The following COL1A1 variants were observed in gnomAD, a reference collection of about 807,000 sequenced individuals.
COL1A1 encodes collagen type I alpha 1 chain.
Under a neutral mutation model 195.7 loss-of-function variants are expected in COL1A1, and 21 were observed. The observed-to-expected ratio is 0.11, with a 90% CI of 0.08 to 0.15. The LOEUF (loss-of-function observed/expected upper bound fraction) is 0.15. COL1A1 is among the 10% of genes least tolerant of loss of function. The pLI, the probability that COL1A1 is intolerant of heterozygous loss-of-function variation, is 1.00. For missense variants in COL1A1, 1,365 were observed against 2,051.0 expected (o/e 0.67, Z 6.46); for synonymous variants, 749 against 747.3 (o/e 1.00, Z -0.04).
At position 50,185,636 on chromosome 17, in the gene COL1A1, C is replaced by T. The variant is rs1374751937; in HGVS notation, c.4261G>A (p.Ala1421Thr). The T allele has an allele frequency of 6.2e-7, 1 of 1,613,788 alleles. No individual in the cohort carries two copies. Among genetic ancestry groups the T allele is most frequent in the South Asian group, 1.1e-5 (1 of 91,048 alleles). ...TATTCAATCACTGTCTTGCCCCAGGCTCCGGTGTGACTCTGGGGTGGGGCG... is the reference window on the plus strand; with the variant it reads ...TATTCAATCACTGTCTTGCCCCAGGTTCCGGTGTGACTCTGGGGTGGGGCG... ...TVDGCTSHTG[A>T]WGKTVIEYKT... is the part of the protein sequence containing the mutation. Residue 1421 changes from alanine (A) to threonine (T), a missense_variant, in exon 51 of 51, where the codon GCC becomes ACC. Ala to Thr is a moderately conservative substitution (Grantham distance 58, BLOSUM62 0). This residue lies in a region of COL1A1 where 273 missense variants were observed against 338.6 expected (regional missense o/e 0.81). Transcript: ENST00000225964.
chr17:50,192,532 T>C lies in COL1A1; in HGVS notation c.1930-4A>G. ...GACCAGCAGGACCAGGGAGACCCTG[T>C]AGGTGGGAAATGGGGGAAGAAGGGA... On this transcript the variant is annotated splice_polypyrimidine_tract_variant and splice_region_variant and intron_variant, in intron 28 of 50. Transcript: ENST00000225964. The C allele has an allele frequency of 6.2e-7, 1 of 1,613,874 alleles. No individual in the cohort carries two copies. The highest frequency in any genetic ancestry group is 1.3e-5 in the African/African-American group (1 of 74,952).
rs941273260 is a variant in COL1A1 at position 50,199,269 on chromosome 17, G to T, written c.428C>A (p.Pro143His). The T allele has an allele frequency of 1.3e-6, 2 of 1,508,664 alleles. No individual in the cohort carries two copies. The highest frequency in any genetic ancestry group is 1.8e-6 in the Non-Finnish European group (2 of 1,122,584). 93.5% of individuals were successfully genotyped at this position (1,508,664 alleles called of 1,614,324 possible). Residue 143 changes from proline to histidine, a missense_variant, in exon 5 of 51, where the codon CCC becomes CAC. Transcript: ENST00000225964. Reference protein sequence around the residue: ...GIPGQPGLPGPPGPPGPPGPP... With the variant: ...GIPGQPGLPGHPGPPGPPGPP... ...TCCGGGAGGTCCGGGGGGTCCGGGG[G>T]GTCCGGGAAGTCCAGGCTGTCCAGG...
rs1906327842 is a variant in COL1A1, at chr17:50,184,765, C to A, written c.*737G>T. 3 of 232,652 alleles carry A rather than the reference C, an allele frequency of 1.3e-5. No individual in the cohort carries two copies. In the East Asian group the frequency reaches 1.8e-4, roughly 14 times the overall value. 14.4% of individuals were successfully genotyped at this position (232,652 alleles called of 1,614,324 possible). On this transcript the variant is annotated 3_prime_UTR_variant, in exon 51 of 51. Coordinates refer to ENST00000225964, the MANE Select transcript of COL1A1 (RefSeq NM_000088.4). ...AACAGAACAGTCTCTCCCGCCCAGC[C>A]CTGCGGCACAAGGGATTGACACGCG...
rs72656307 is a variant in COL1A1, at chr17:50,187,968, G to A, written c.3277C>T (p.Arg1093Cys). The A allele has an allele frequency of 2.9e-5, 46 of 1,613,920 alleles. No individual in the cohort carries two copies. Among genetic ancestry groups the A allele is most frequent in the African/African-American group, 4.0e-5 (3 of 74,928 alleles). ...ARGPAGPQGP[R>C]GDKGETGEQG... ...TCGCCTGTCTCACCCTTGTCACCACGGGGGCCTTGGGGTCCCTAGAAGAGA... is the reference window on the plus strand; with the variant it reads ...TCGCCTGTCTCACCCTTGTCACCACAGGGGCCTTGGGGTCCCTAGAAGAGA... Residue 1093 changes from arginine (R) to cysteine (C), a missense_variant, in exon 45 of 51, where the codon CGT becomes TGT. Arg to Cys is a radical substitution (Grantham distance 180). Transcript: ENST00000225964.
In COL1A1 at chr17:50,192,810, G is replaced by C. The variant is rs779570039; in HGVS notation, c.1862C>G (p.Pro621Arg). The change falls in exon 27 of 51, where the codon CCC (proline) becomes CGC (arginine). Residue 621 changes from proline to arginine, a missense_variant. Pro to Arg is a moderately radical substitution (Grantham distance 103). Around this residue, in one of 5 missense-constraint regions of COL1A1, gnomAD observed 671 missense variants for 1,099.9 expected, o/e 0.61. Coordinates refer to ENST00000225964, the MANE Select transcript of COL1A1 (RefSeq NM_000088.4). ...GKDGEAGAQG[P>R]PGPAGPAGER... The stretch of plus-strand genomic sequence containing the variant: ...AGGGACACTCACAGCAGGGCCAGGG[G>C]GTCCCTGAGCTCCAGCCTCTCCATC... The C allele has an allele frequency of 3.1e-6, 5 of 1,614,110 alleles. 1 individual carries two copies. The South Asian group carries it at 5.5e-5, about 18-fold the overall frequency.
In COL1A1 at chr17:50,196,070, T is replaced by C. The variant is rs1230615128; in HGVS notation, c.1002+85A>G. On this transcript the variant is annotated intron_variant, in intron 15 of 50. Transcript: ENST00000225964. ...GGAAGTCCTGGGGTTCAGACCAACA[T>C]AACCTGCTCCCATTGTCAGCCCCAA... 3 of 1,606,788 alleles carry C rather than the reference T, an allele frequency of 1.9e-6. No individual in the cohort carries two copies. The Admixed American group carries it at 5.0e-5, about 27-fold the overall frequency.
rs1352638557 is a variant in COL1A1, at chr17:50,199,274, G to A, written c.423C>T (p.Pro141=). Residue 141 remains proline, a synonymous_variant, in exon 5 of 51, where the codon CCC becomes CCT. Coordinates refer to ENST00000225964, the MANE Select transcript of COL1A1 (RefSeq NM_000088.4). The part of the protein sequence containing the change: ...RDGIPGQPGL[P]GPPGPPGPPG... ...GAGGTCCGGGGGGTCCGGGGGGTCC[G>A]GGAAGTCCAGGCTGTCCAGGGATGC... The A allele has an allele frequency of 4.0e-6, 6 of 1,514,714 alleles. No homozygotes were observed. Among genetic ancestry groups the A allele is most frequent in the Non-Finnish European group, 5.3e-6 (6 of 1,126,090 alleles). The allele number at this position is 1,514,714 out of a possible 1,614,324, so 93.8% of individuals were successfully genotyped here. A position where few individuals can be genotyped will look rare whatever the true frequency, so the allele number is the denominator to read the frequency against.
intron 11 of COL1A1, 145 bp downstream of exon 11, chr17:50,196,865 T>C: frequency 8.9e-7 from 1 of 1,120,006 alleles, no homozygotes. Flanking sequence ...AGGGAGGTGC[T>C]TTTGGATGTC....
chr17:50,195,877 C>T lies in COL1A1; in HGVS notation c.1056+46G>A. 2 of 1,551,838 alleles carry T rather than the reference C, an allele frequency of 1.3e-6. No individual in the cohort carries two copies. The highest frequency in any genetic ancestry group is 1.7e-4 in the Middle Eastern group (1 of 5,946). On this transcript the variant is annotated intron_variant, in intron 16 of 50. Transcript: ENST00000225964. The surrounding 1 kb of genome is among the most constrained non-coding windows in gnomAD (Gnocchi z 4.3). Reference sequence around the variant, plus strand: ...TTTGGGGAACAGGGAGACATGAACCCCTTGGCCCATGAGGGTCATGCTTAG... The same window carrying T: ...TTTGGGGAACAGGGAGACATGAACCTCTTGGCCCATGAGGGTCATGCTTAG...
chr17:50,184,644 C>A lies in COL1A1; in HGVS notation c.*858G>T, dbSNP rs1277209791. On this transcript the variant is annotated 3_prime_UTR_variant, in exon 51 of 51. Transcript: ENST00000225964. Reference sequence around the variant, plus strand: ...ACCTTTGGTATAAAATGGGGAGCCGCTTCCACCCTGCCCCCATCCCCGCCC... The same window carrying A: ...ACCTTTGGTATAAAATGGGGAGCCGATTCCACCCTGCCCCCATCCCCGCCC... 4 of 231,460 alleles carry A rather than the reference C, an allele frequency of 1.7e-5. No individual in the cohort carries two copies. Among genetic ancestry groups the A allele is most frequent in the African/African-American group, 8.9e-5 (4 of 45,098 alleles). 14.3% of individuals were successfully genotyped at this position (231,460 alleles called of 1,614,324 possible).
intron 28 of COL1A1, 37 bp downstream of exon 28, chr17:50,192,603 C>T: frequency 2.5e-6 from 4 of 1,614,150 alleles, no homozygotes; most frequent in Non-Finnish European, 2.5e-6. Context: ...GTTTCCTACC[C>T]CTACCTCCCA....
rs1906503326 is a variant in COL1A1, at chr17:50,186,161, C to T, written c.4006-141G>A. The T allele has an allele frequency of 2.6e-6, 4 of 1,516,802 alleles. No individual in the cohort carries two copies. Among genetic ancestry groups the T allele is most frequent in the Admixed American group, 1.8e-5 (1 of 55,498 alleles). 94.0% of individuals were successfully genotyped at this position (1,516,802 alleles called of 1,614,324 possible). A position where few individuals can be genotyped will look rare whatever the true frequency, so the allele number is the denominator to read the frequency against. On this transcript the variant is annotated intron_variant, in intron 49 of 50. Transcript: ENST00000225964. The surrounding 1 kb of genome is among the most constrained non-coding windows in gnomAD (Gnocchi z 5.3). ...GAGGCACCACCTGCCCATCGGCAGC[C>T]TGTGTCTGAACCACTATCAGGGACC...
Position 50,193,975 on chromosome 17 carries a change from C to A in COL1A1, c.1735G>T (p.Val579Leu), listed in dbSNP as rs1402532720. 1 of 1,614,064 alleles carries A rather than the reference C, an allele frequency of 6.2e-7. No individual in the cohort carries two copies. The highest frequency in any genetic ancestry group is 8.5e-7 in the Non-Finnish European group (1 of 1,180,054). ...CCTTTAGGTCCAGGGAATCCCATCA[C>A]ACCAGCCTGACCACGGGCACCAGGT... ...GPPGARGQAG[V>L]MGFPGPKGAA... Residue 579 changes from valine (V) to leucine (L), a missense_variant, in exon 25 of 51, where the codon GTG (valine) becomes TTG (leucine). Val to Leu is a conservative substitution (Grantham distance 32). This residue lies in a region of COL1A1 where 671 missense variants were observed against 1,099.9 expected (regional missense o/e 0.61). Coordinates refer to ENST00000225964, the MANE Select transcript of COL1A1 (RefSeq NM_000088.4).
Position 50,191,504 on chromosome 17 carries a change from A to G in COL1A1, c.2128-14T>C, listed in dbSNP as rs372785140. 2 of 1,613,166 alleles carry G rather than the reference A, an allele frequency of 1.2e-6. No homozygotes were observed. The highest frequency in any genetic ancestry group is 1.7e-6 in the Non-Finnish European group (2 of 1,179,258). ...ACCAGCATCACCCTATGTGACAACC[A>G]AGAAGACTGGAGTGAGGCCTGGGGC... On this transcript the variant is annotated splice_polypyrimidine_tract_variant and intron_variant, in intron 31 of 50. Transcript: ENST00000225964.
rs1907704333 is a variant in COL1A1, at chr17:50,197,584, A to T, written c.696+148T>A. The T allele has an allele frequency of 8.1e-6, 6 of 739,910 alleles. No homozygotes were observed. In the Admixed American group the frequency reaches 1.2e-4, roughly 14 times the overall value. The allele number at this position is 739,910 out of a possible 1,614,324, so 45.8% of individuals were successfully genotyped here. The stretch of plus-strand genomic sequence containing the variant: ...TGGAATCATCTCACTAAGCGAAAAG[A>T]TCATTGTTCCAGGGCAGTCCGTGCA... On this transcript the variant is annotated intron_variant, in intron 9 of 50. Coordinates refer to ENST00000225964, the MANE Select transcript of COL1A1 (RefSeq NM_000088.4).
chr17:50,189,560 T>A lies in COL1A1; in HGVS notation c.2668-22A>T, dbSNP rs1306676651. On this transcript the variant is annotated intron_variant, in intron 38 of 50. Coordinates refer to ENST00000225964, the MANE Select transcript of COL1A1 (RefSeq NM_000088.4). This position sits in a 1 kb window ranked among gnomAD's most constrained non-coding sequence, Gnocchi z 5.5. ...TTCCCTGGATGAGGATAGGAGGGGCTGTCAGACTCCAGGGGGCTCTGGTGC... is the reference window on the plus strand; with the variant it reads ...TTCCCTGGATGAGGATAGGAGGGGCAGTCAGACTCCAGGGGGCTCTGGTGC... 1 of 1,612,840 alleles carries A rather than the reference T, an allele frequency of 6.2e-7. No homozygotes were observed.
In COL1A1 at chr17:50,188,846, G is replaced by C. The variant is rs775976809; in HGVS notation, c.3046-51C>G. 6.2e-7 allele frequency: 1 copy of C among 1,605,146 alleles called. No homozygotes were observed. The highest frequency in any genetic ancestry group is 8.5e-7 in the Non-Finnish European group (1 of 1,172,028). On this transcript the variant is annotated intron_variant, in intron 41 of 50. Transcript: ENST00000225964. The surrounding 1 kb of genome is among the most constrained non-coding windows in gnomAD (Gnocchi z 5.6). Reference sequence around the variant, plus strand: ...AGAGTCAGCCGGGGAAGAGGGCTTAGGCAAGGCCACAATGGCCATGCTGAG... The same window carrying C: ...AGAGTCAGCCGGGGAAGAGGGCTTACGCAAGGCCACAATGGCCATGCTGAG...
intron 9 of COL1A1, 113 bp from the exon 10 acceptor site, chr17:50,197,346 G>T: frequency 9.4e-7 from 1 of 1,058,490 alleles, no homozygotes; most frequent in Non-Finnish European, 1.4e-6. Flanking sequence ...AGGTTTGGGG[G>T]CCCAGAATCT....
At chr17:50,196,250 C>T (rs1474611439) in intron 14 of COL1A1, 51 bp from the exon 15 acceptor site, 3 of 1,612,404 alleles carry the variant, frequency 1.9e-6, no homozygotes, top group Middle Eastern at 1.7e-4. Flanking sequence ...CTGGCCAGTC[C>T]CTAGAGTTCC....
Sources: gnomAD v4.1 joint callset for allele counts on GRCh38, gnomAD v4.1.1 for gene constraint, gnomAD v4.1.1 regional missense constraint, Gnocchi (gnomAD v3.1) non-coding constraint, MANE v1.5 for transcripts, NCBI Gene and HGNC (gene_info 2026-07-23, HGNC 2026-07-21) for gene names.